The following LRCH1 variants were observed in gnomAD, a reference collection of about 807,000 sequenced individuals.
LRCH1 encodes leucine rich repeats and calponin homology domain containing 1.
In LRCH1, 23 loss-of-function variants were observed where a neutral mutation model predicts 94.9. That is an observed-to-expected ratio of 0.24 (90% confidence interval 0.17 to 0.34). The LOEUF (loss-of-function observed/expected upper bound fraction) is 0.34, where lower values mean the gene tolerates loss of function less well. Among genes scored for constraint, LRCH1 ranks in the 10% least tolerant of loss-of-function variants. LRCH1 has a pLI of 1.00. For missense variants in LRCH1, 790 were observed against 945.9 expected (o/e 0.84, Z 2.16); for synonymous variants, 364 against 354.9 (o/e 1.03, Z -0.29).
At chr13:46,688,103 C>A in intron 6 of LRCH1, 124 bp downstream of exon 6, 2 of 965,124 alleles carry the variant, frequency 2.1e-6, no homozygotes, top group Non-Finnish European at 2.9e-6. Flanking sequence ...CAAAGCAAAA[C>A]AGAACAATTT....
chr13:46,684,169 C>T (rs1306111688), intron 4 of LRCH1, among the ~76,000 whole-genome samples: 1 of 152,038 alleles, frequency 6.6e-6, no homozygotes, highest in East Asian at 1.9e-4. Flanking sequence ...CCATTCATTG[C>T]CTCTCTTAGC....
At chr13:46,696,710 T>A in intron 9 of LRCH1, among the ~76,000 whole-genome samples, 1 of 152,154 alleles carries the variant, frequency 6.6e-6, no homozygotes, top group Non-Finnish European at 1.5e-5. Flanking sequence ...TACAACAAGT[T>A]AAGGAAAAAT....
chr13:46,703,118 A>G (rs1192998234), intron 11 of LRCH1, among the ~76,000 whole-genome samples: 1 of 152,236 alleles, frequency 6.6e-6, no homozygotes, highest in Non-Finnish European at 1.5e-5. Flanking sequence ...GTGAAAGGGC[A>G]GGAAACAGGA....
At chr13:46,561,753 T>C (rs2050132331) in intron 1 of LRCH1, among the ~76,000 whole-genome samples, 2 of 152,126 alleles carry the variant, frequency 1.3e-5, no homozygotes, top group Admixed American at 6.5e-5. Flanking sequence ...TTCCAAGTCA[T>C]TTACCTCATG....
chr13:46,586,347 G>A (rs970469986), intron 1 of LRCH1, among the ~76,000 whole-genome samples: 4 of 152,202 alleles, frequency 2.6e-5, no homozygotes, highest in African/African-American at 9.7e-5. Context: ...CCTGTCACAT[G>A]TGGTTGGCAG....
chr13:46,676,919 G>A (rs915475463), intron 3 of LRCH1, among the ~76,000 whole-genome samples: 6 of 151,958 alleles, frequency 3.9e-5, no homozygotes, highest in East Asian at 1.9e-4. Flanking sequence ...CTGAAACCAC[G>A]GGTGCATGCC....
chr13:46,744,437 A>G lies in LRCH1; in HGVS notation c.*2589A>G. On this transcript the variant is annotated 3_prime_UTR_variant, in exon 20 of 20. Coordinates refer to ENST00000389797, the MANE Select transcript of LRCH1 (RefSeq NM_001164211.2). The stretch of plus-strand genomic sequence containing the variant: ...TCCACTCAGTGTCAGGAATTCCAAA[A>G]TTTGTGACACCTAATTTCTAATCAT... 1 of 985,420 alleles carries G rather than the reference A, an allele frequency of 1.0e-6. No individual in the cohort carries two copies. Among genetic ancestry groups the G allele is most frequent in the South Asian group, 4.7e-5 (1 of 21,278 alleles). The allele number at this position is 985,420 out of a possible 1,614,324, so 61.0% of individuals were successfully genotyped here.
At chr13:46,616,483 G>A (rs1649289610) in intron 1 of LRCH1, among the ~76,000 whole-genome samples, 1 of 152,152 alleles carries the variant, frequency 6.6e-6, no homozygotes, top group African/African-American at 2.4e-5. Context: ...TGGCAGTGGA[G>A]GCTGATGTTT....
intron 3 of LRCH1, among the ~76,000 whole-genome samples, chr13:46,672,513 G>A (rs1433122817): frequency 6.6e-6 from 1 of 152,074 alleles, no homozygotes; most frequent in Non-Finnish European, 1.5e-5. Flanking sequence ...TCATCTGTTA[G>A]CAGGTGGCAC....
At chr13:46,628,064 A>C (rs1384907680) in intron 1 of LRCH1, among the ~76,000 whole-genome samples, 1 of 152,174 alleles carries the variant, frequency 6.6e-6, no homozygotes, top group Non-Finnish European at 1.5e-5. Context: ...AGTTGGGACC[A>C]ACCACTCTAA....
intron 1 of LRCH1, among the ~76,000 whole-genome samples, chr13:46,563,648 G>A (rs2050152393): frequency 6.6e-6 from 1 of 152,152 alleles, no homozygotes; most frequent in Non-Finnish European, 1.5e-5. Flanking sequence ...TGTAATAGAT[G>A]TTTCACCTCA....
intron 11 of LRCH1, among the ~76,000 whole-genome samples, chr13:46,701,779 T>C (rs954283027): frequency 6.6e-6 from 1 of 152,218 alleles, no homozygotes; most frequent in African/African-American, 2.4e-5. Context: ...GGAATTCCCA[T>C]GGACAAAATA....
At chr13:46,573,866 A>ATATATATATATT in intron 1 of LRCH1, among the ~76,000 whole-genome samples, 9 of 63,390 alleles carry the variant, frequency 1.4e-4, no homozygotes, top group African/African-American at 2.6e-4. Flanking sequence ...ATATATATAT[A>ATATATATATATT]TTTTTTTTTT....
intron 2 of LRCH1, among the ~76,000 whole-genome samples, chr13:46,666,311 A>C (rs1215074923): frequency 6.6e-6 from 1 of 152,174 alleles, no homozygotes; most frequent in Admixed American, 6.5e-5. Context: ...GTAAGTACCC[A>C]CTCTGGAAGA....
At chr13:46,717,366 T>G (rs1333229821) in intron 16 of LRCH1, 1 of 152,192 alleles carries the variant, frequency 6.6e-6, no homozygotes, top group Non-Finnish European at 1.5e-5. Flanking sequence ...TTCCAAGAAT[T>G]CACATGCAGC....
intron 1 of LRCH1, among the ~76,000 whole-genome samples, chr13:46,603,101 G>A (rs1228424101): frequency 1.3e-5 from 2 of 151,858 alleles, no homozygotes; most frequent in Non-Finnish European, 2.9e-5. Context: ...AAATAATTTT[G>A]TGCCTCTTGT....
chr13:46,668,744 CGGGG>C (rs1444427764), intron 2 of LRCH1, among the ~76,000 whole-genome samples: 1 of 78,830 alleles, frequency 1.3e-5, no homozygotes, highest in Non-Finnish European at 2.5e-5. Flanking sequence ...GGCGGGGTGG[CGGGG>C]GGACTTTGAT....
chr13:46,665,759 G>C (rs993793734), intron 2 of LRCH1, among the ~76,000 whole-genome samples: 2 of 152,182 alleles, frequency 1.3e-5, no homozygotes, highest in African/African-American at 4.8e-5. Context: ...TTTCAGCACA[G>C]AGCCAGTTTA....
At chr13:46,703,429 C>T (rs1395943278) in intron 11 of LRCH1, among the ~76,000 whole-genome samples, 4 of 152,132 alleles carry the variant, frequency 2.6e-5, no homozygotes, top group African/African-American at 9.7e-5. Flanking sequence ...AATACATAAA[C>T]TGCCGGTGGA....
Sources: gnomAD v4.1 joint callset for allele counts (sites outside exome capture counted in the v4.1 genomes callset) on GRCh38, gnomAD v4.1.1 for gene constraint, MANE v1.5 for transcripts, NCBI Gene and HGNC (gene_info 2026-07-23, HGNC 2026-07-21) for gene names.